AGBL1: variants seen among roughly 807,000 people sequenced by gnomAD.
AGBL1 encodes the protein cytosolic carboxypeptidase 4.
Under a neutral mutation model 118.9 loss-of-function variants are expected in AGBL1, and 130 were observed. That is an observed-to-expected ratio of 1.09 (90% CI 0.95 to 1.26). The LOEUF is 1.26. AGBL1 is among the 50% of genes most tolerant of loss of function. AGBL1 has a pLI of 0.00. For synonymous variants in AGBL1, 555 were observed against 478.9 expected, an observed-to-expected ratio of 1.16 and a Z score of -2.08; for missense variants, 1,584 against 1,298.1, an observed-to-expected ratio of 1.22 and a Z score of -3.38.
At chr15:86,620,810 CT>C (rs941331399) in intron 21 of AGBL1, among the ~76,000 whole-genome samples, 54 of 147,206 alleles carry the variant, frequency 3.7e-4, no homozygotes, top group East Asian at 2.8e-3. Context: ...ATATTAGCTC[CT>C]TTTTTTTTTT....
intron 22 of AGBL1, among the ~76,000 whole-genome samples, chr15:86,675,822 G>A (rs1215266421): frequency 6.6e-6 from 1 of 152,118 alleles, no homozygotes; most frequent in Non-Finnish European, 1.5e-5. Flanking sequence ...AGGGAAGATT[G>A]AGCAGAACTG....
chr15:86,682,957 A>T (rs536645197), intron 22 of AGBL1, among the ~76,000 whole-genome samples: 1 of 152,152 alleles, frequency 6.6e-6, no homozygotes, highest in African/African-American at 2.4e-5. Flanking sequence ...AAGTTTGCCA[A>T]ATGTCATGAC....
At chr15:86,395,786 AT>A (rs113321476) in intron 17 of AGBL1, among the ~76,000 whole-genome samples, 19 of 148,630 alleles carry the variant, frequency 1.3e-4, no homozygotes, top group African/African-American at 2.7e-4. Flanking sequence ...TTTAGGTTTT[AT>A]TTTTTTTTTG....
At chr15:86,490,332 G>A (rs1218741523) in intron 18 of AGBL1, among the ~76,000 whole-genome samples, 1 of 151,978 alleles carries the variant, frequency 6.6e-6, no homozygotes, top group Non-Finnish European at 1.5e-5. Context: ...GGAACATATG[G>A]GACCTCTTGT....
chr15:86,767,781 A>T (rs2078117354), intron 22 of AGBL1, among the ~76,000 whole-genome samples: 1 of 151,948 alleles, frequency 6.6e-6, no homozygotes, highest in Non-Finnish European at 1.5e-5. Context: ...GACCAGAACT[A>T]CTTCCTCTTC....
Position 86,554,554 on chromosome 15 carries a change from G to C in AGBL1, c.2994+17G>C. ...CCTTATCAGGTATGTGAGGCTGCAGGACACCCATACTTTCTGTCCAGCAAC... is the reference window on the plus strand; with the variant it reads ...CCTTATCAGGTATGTGAGGCTGCAGCACACCCATACTTTCTGTCCAGCAAC... On this transcript the variant is annotated intron_variant, in intron 21 of 22. Coordinates refer to ENST00000614907, the MANE Select transcript of AGBL1 (RefSeq NM_001386094.1). 2.0e-6 allele frequency: 3 copies of C among 1,465,334 alleles called. No homozygotes were observed. The East Asian group carries it at 7.8e-5, about 38-fold the overall frequency. 90.8% of individuals were successfully genotyped at this position (1,465,334 alleles called of 1,614,324 possible). A position where few individuals can be genotyped will look rare whatever the true frequency, so the allele number is the denominator to read the frequency against.
At chr15:86,734,396 G>C (rs374209409) in intron 22 of AGBL1, among the ~76,000 whole-genome samples, 14 of 151,934 alleles carry the variant, frequency 9.2e-5, no homozygotes, top group African/African-American at 3.4e-4. Context: ...TTGATAGCAG[G>C]GAGTGACAAG....
At chr15:86,936,307 GA>G (rs909728253) in intron 23 of AGBL1, among the ~76,000 whole-genome samples, 2 of 151,384 alleles carry the variant, frequency 1.3e-5, no homozygotes, top group East Asian at 3.9e-4. Flanking sequence ...AGATAAACAA[GA>G]AAAAAAACAA....
chr15:86,519,708 C>A (rs113865697), intron 18 of AGBL1, among the ~76,000 whole-genome samples: 9 of 152,226 alleles, frequency 5.9e-5, no homozygotes, highest in African/African-American at 1.9e-4. Flanking sequence ...AATACAATCA[C>A]ATGGGCTTCC....
chr15:86,333,846 A>G (rs138468833), intron 17 of AGBL1, among the ~76,000 whole-genome samples: 121 of 152,338 alleles, frequency 7.9e-4, no homozygotes, highest in African/African-American at 2.7e-3. Context: ...ATGATCAAGT[A>G]GGCTTCATTC....
At chr15:86,471,363 G>C (rs939481413) in intron 18 of AGBL1, among the ~76,000 whole-genome samples, 1 of 152,114 alleles carries the variant, frequency 6.6e-6, no homozygotes, top group African/African-American at 2.4e-5. Flanking sequence ...ATTTGTATAT[G>C]ATGAACCATC....
intron 1 of AGBL1, among the ~76,000 whole-genome samples, chr15:86,095,798 C>T (rs1430174071): frequency 2.0e-5 from 3 of 151,842 alleles, no homozygotes; most frequent in African/African-American, 7.3e-5. Context: ...CCAGCATCCA[C>T]TACATGTGAT....
chr15:86,653,331 CTGCCACCCGGAG>C (rs2085408543), intron 21 of AGBL1, among the ~76,000 whole-genome samples: 1 of 152,156 alleles, frequency 6.6e-6, no homozygotes, highest in Admixed American at 6.6e-5. Context: ...TCCCTTCTCC[CTGCCACCCGGAG>C]TACAAGATGC....
At position 86,364,981 on chromosome 15, in the gene AGBL1, A is replaced by G. The variant is rs1205253802; in HGVS notation, c.2375-32385A>G. Among the ~76,000 whole-genome samples, 74 of 76,314 alleles carry G rather than the reference A, an allele frequency of 9.7e-4. 5 individuals are homozygous for G. Among genetic ancestry groups the G allele is most frequent in the Admixed American group, 1.6e-3 (12 of 7,556 alleles). The allele number at this position is 76,314 out of a possible 152,430, so 50.1% of individuals were successfully genotyped here. A position where few individuals can be genotyped will look rare whatever the true frequency, so the allele number is the denominator to read the frequency against. The stretch of plus-strand genomic sequence containing the variant: ...CACATATATATATATATATATATAT[A>G]TATATATACACACACACATATATAT... On this transcript the variant is annotated intron_variant, in intron 17 of 22. Coordinates refer to ENST00000614907, the MANE Select transcript of AGBL1 (RefSeq NM_001386094.1).
intron 17 of AGBL1, 122 bp from the exon 18 acceptor site, chr15:86,397,244 C>A (rs1372815583): frequency 1.3e-5 from 9 of 716,872 alleles, no homozygotes; most frequent in Middle Eastern, 4.5e-4. Context: ...TCAAAACCTA[C>A]AATGGAAAAT....
chr15:86,810,025 A>G (rs1015926525), intron 22 of AGBL1, among the ~76,000 whole-genome samples: 1 of 152,194 alleles, frequency 6.6e-6, no homozygotes, highest in Non-Finnish European at 1.5e-5. Context: ...AAAACATCAC[A>G]TTAATTCAGC....
rs530938676 is a variant in AGBL1 at position 86,280,553 on chromosome 15, A to G, written c.2220+770A>G. 1.5e-3 allele frequency among the ~76,000 whole-genome samples: 233 copies of G among 152,256 alleles called. 5 individuals are homozygous for G. The South Asian group carries it at 0.046, about 30-fold the overall frequency. On this transcript the variant is annotated intron_variant, in intron 16 of 22. Transcript: ENST00000614907. ...TCGTGGATATCCTGAGGATAAATGA[A>G]CTCCAGTATCTTCTATAAAGCACTT...
chr15:86,203,197 G>A (rs919480696), intron 5 of AGBL1, among the ~76,000 whole-genome samples: 1 of 152,122 alleles, frequency 6.6e-6, no homozygotes, highest in African/African-American at 2.4e-5. Context: ...GTTCACATCT[G>A]GATAGAGGAT....
At chr15:86,692,118 C>T (rs1251148978) in intron 22 of AGBL1, among the ~76,000 whole-genome samples, 2 of 151,882 alleles carry the variant, frequency 1.3e-5, no homozygotes, top group Non-Finnish European at 2.9e-5. Flanking sequence ...GCGGAGCTTG[C>T]AGTGAGCTGA....
Sources: gnomAD v4.1 joint callset for allele counts (sites outside exome capture counted in the v4.1 genomes callset) on GRCh38, gnomAD v4.1.1 for gene constraint, MANE v1.5 for transcripts, NCBI Gene and HGNC (gene_info 2026-07-23, HGNC 2026-07-21) for gene names.